SAMD7: variants seen among roughly 807,000 people sequenced by gnomAD.
SAMD7 encodes the protein sterile alpha motif domain-containing protein 7.
A neutral mutation model predicts 36.7 loss-of-function variants in SAMD7; 34 were observed. The ratio of observed to expected loss-of-function variants is 0.93; its 90% CI spans 0.71 to 1.23. The LOEUF is 1.23. SAMD7 is among the 50% of genes most tolerant of loss of function. SAMD7 has a pLI of 0.00. For synonymous variants in SAMD7, 188 were observed against 189.7 expected (o/e 0.99, Z 0.07); for missense variants, 570 against 546.6 (o/e 1.04, Z -0.43).
intron 7 of SAMD7, among the ~76,000 whole-genome samples, chr3:169,931,195 C>T (rs1364805723): frequency 1.3e-5 from 2 of 152,182 alleles, no homozygotes; most frequent in Non-Finnish European, 2.9e-5. Flanking sequence ...TCAGAGGACT[C>T]AGCAGATAAA....
Position 169,926,665 on chromosome 3 carries a change from GC to G in SAMD7, c.408del (p.Ala137LeufsTer30). 1 of 1,613,924 alleles carries G rather than the reference GC, an allele frequency of 6.2e-7. No individual in the cohort carries two copies. The highest frequency in any genetic ancestry group is 8.5e-7 in the Non-Finnish European group (1 of 1,179,954). On this transcript the variant is annotated frameshift_variant, in exon 6 of 9. Coordinates refer to ENST00000335556, the MANE Select transcript of SAMD7 (RefSeq NM_001304366.2). LOFTEE classifies it high-confidence loss of function. ...PFLYGSSVPA[A>X]PAAYHGRSML... ...CCTCTATGGCTCCAGTGTCCCAGCTGCCCCCGCTGCCTACCATGGCAGGAGC... is the reference window on the plus strand; with the variant it reads ...CCTCTATGGCTCCAGTGTCCCAGCTGCCCCGCTGCCTACCATGGCAGGAGC...
chr3:169,921,341 A>G lies in SAMD7; in HGVS notation c.211+3A>G. The G allele has an allele frequency of 6.2e-7, 1 of 1,613,602 alleles. No homozygotes were observed. Among genetic ancestry groups the G allele is most frequent in the Non-Finnish European group, 8.5e-7 (1 of 1,179,528 alleles). On this transcript the variant is annotated splice_donor_region_variant and intron_variant, in intron 4 of 8. Transcript: ENST00000335556. ...GTTGTCCAGTCGGATCTACCCAGGT[A>G]TGAGCAATAGAAGTTTGGCTCTCAT...
rs151147602 is a variant in SAMD7, at chr3:169,936,273, G to T, written c.1042-66G>T. 2.5e-4 allele frequency: 249 copies of T among 997,410 alleles called. 1 individual carries two copies. In the African/African-American group the frequency reaches 3.7e-3, roughly 15 times the overall value. 61.8% of individuals were successfully genotyped at this position (997,410 alleles called of 1,614,324 possible). ...GTTTTCTCCAAAACTAAAATATCTA[G>T]GTGGTAAAAGAACTTTTTCAAAAAA... On this transcript the variant is annotated intron_variant, in intron 7 of 8. Transcript: ENST00000335556.
chr3:169,931,256 A>G (rs1424466973), intron 7 of SAMD7, among the ~76,000 whole-genome samples: 1 of 152,234 alleles, frequency 6.6e-6, no homozygotes, highest in African/African-American at 2.4e-5. Flanking sequence ...GTGCACATTT[A>G]TATCATTACA....
intron 7 of SAMD7, among the ~76,000 whole-genome samples, chr3:169,930,999 C>T (rs979800395): frequency 6.6e-5 from 10 of 152,140 alleles, no homozygotes; most frequent in African/African-American, 2.4e-4. Context: ...TACTCAGCAA[C>T]TTCTCACCAC....
chr3:169,932,374 G>A (rs1337550089), intron 7 of SAMD7: 1 of 655,836 alleles, frequency 1.5e-6, no homozygotes, highest in Non-Finnish European at 2.9e-6. Context: ...AGTTGTTTTC[G>A]AACCTAAGTA....
chr3:169,937,595 T>C (rs146720054), intron 8 of SAMD7, among the ~76,000 whole-genome samples: 11,432 of 152,280 alleles, frequency 0.075, 581 homozygotes, highest in Non-Finnish European at 0.11. Flanking sequence ...ATCTCGTTCC[T>C]TTTTATGGCT....
At chr3:169,924,539 A>C (rs1440881760) in intron 4 of SAMD7, among the ~76,000 whole-genome samples, 1 of 152,164 alleles carries the variant, frequency 6.6e-6, no homozygotes, top group African/African-American at 2.4e-5. Flanking sequence ...GTGAGCCAAG[A>C]TCACACCACT....
chr3:169,927,692 G>C (rs1361424011), intron 6 of SAMD7, among the ~76,000 whole-genome samples: 1 of 151,996 alleles, frequency 6.6e-6, no homozygotes, highest in Non-Finnish European at 1.5e-5. Context: ...ACTAGCCTCT[G>C]TTTATATTTT....
intron 7 of SAMD7, chr3:169,933,243 TA>T (rs1278225669): frequency 9.3e-6 from 5 of 536,328 alleles, no homozygotes; most frequent in African/African-American, 5.8e-5. Flanking sequence ...TAACTCTCAA[TA>T]AAAAATAAGT....
At chr3:169,933,784 G>A (rs900411028) in intron 7 of SAMD7, among the ~76,000 whole-genome samples, 1 of 152,180 alleles carries the variant, frequency 6.6e-6, no homozygotes, top group African/African-American at 2.4e-5. Flanking sequence ...CTCTTCTCAT[G>A]GCACTCATAG....
intron 5 of SAMD7, chr3:169,926,140 G>A: frequency 1.7e-6 from 1 of 572,600 alleles, no homozygotes; most frequent in Non-Finnish European, 2.9e-6. Context: ...CCAGCCACTT[G>A]CATTTATTTA....
intron 8 of SAMD7, 52 bp from the exon 9 acceptor site, chr3:169,938,266 T>G (rs1467385239): frequency 2.4e-6 from 3 of 1,255,376 alleles, no homozygotes; most frequent in African/African-American, 1.5e-5. Context: ...TAATGCTGAG[T>G]TAATGAAAAA....
At chr3:169,922,300 G>C (rs1713076826) in intron 4 of SAMD7, among the ~76,000 whole-genome samples, 1 of 152,158 alleles carries the variant, frequency 6.6e-6, no homozygotes, top group Non-Finnish European at 1.5e-5. Flanking sequence ...GAGGTAAAAG[G>C]AGCATCTCTG....
chr3:169,926,926 C>T lies in SAMD7; in HGVS notation c.664C>T (p.His222Tyr), dbSNP rs371063340. 3.1e-6 allele frequency: 5 copies of T among 1,613,778 alleles called. No homozygotes were observed. In the African/African-American group the frequency reaches 6.7e-5, roughly 22 times the overall value. The change falls in exon 6 of 9, where the codon CAT becomes TAT. Residue 222 changes from histidine to tyrosine, a missense_variant. Physicochemically the swap from His to Tyr is moderately conservative, Grantham distance 83 (BLOSUM62 2). Coordinates refer to ENST00000335556, the MANE Select transcript of SAMD7 (RefSeq NM_001304366.2). ...QTHAVPYEED[H>Y]YAKDPDIEAP... ...TCATGCAGTTCCCTATGAAGAGGAT[C>T]ATTATGCAAAAGACCCAGACATTGA...
chr3:169,927,285 CTTTTTTTTTTTTT>C (rs71634451), intron 6 of SAMD7, 104 bp downstream of exon 6: 7 of 141,804 alleles, frequency 4.9e-5, no homozygotes, highest in South Asian at 1.6e-4. Flanking sequence ...TTTTATCTTT[CTTTTTTTTTTTTT>C]TTTTTTTTTT....
At chr3:169,929,264 CTTTT>C (rs1456806798) in intron 7 of SAMD7, among the ~76,000 whole-genome samples, 1 of 151,596 alleles carries the variant, frequency 6.6e-6, no homozygotes, top group Non-Finnish European at 1.5e-5. Context: ...ATTTAGTTTA[CTTTT>C]TTGAGTTATT....
intron 7 of SAMD7, among the ~76,000 whole-genome samples, chr3:169,929,396 CT>C (rs35977171): frequency 0.27 from 41,465 of 152,018 alleles, 5,957 homozygotes; most frequent in African/African-American, 0.36. Context: ...TCATAATTAA[CT>C]GATACTAGAG....
At chr3:169,924,040 C>T (rs575016554) in intron 4 of SAMD7, among the ~76,000 whole-genome samples, 33 of 152,182 alleles carry the variant, frequency 2.2e-4, no homozygotes, top group African/African-American at 7.5e-4. Flanking sequence ...TCTCTGTGTC[C>T]GTGGGCAGTA....
Sources: allele counts gnomAD v4.1 joint callset (sites outside exome capture counted in the v4.1 genomes callset), GRCh38; gene constraint gnomAD v4.1.1; transcripts MANE v1.5; gene names NCBI Gene and HGNC (gene_info 2026-07-23, HGNC 2026-07-21).